HOGA1: variants seen among roughly 807,000 people sequenced by gnomAD.
The protein encoded by HOGA1 is 4-hydroxy-2-oxoglutarate aldolase 1.
A neutral mutation model predicts 34.3 loss-of-function variants in HOGA1; 30 were observed. The observed-to-expected ratio is 0.87, with a 90% confidence interval of 0.65 to 1.19. The LOEUF is 1.19. Among genes scored for constraint, HOGA1 ranks in the 50% most tolerant of loss-of-function variants. HOGA1 has a pLI of 0.00. For synonymous variants in HOGA1, 161 were observed against 174.0 expected, an observed-to-expected ratio of 0.93 and a Z score of 0.59; for missense variants, 417 against 436.5, an observed-to-expected ratio of 0.96 and a Z score of 0.40.
At chr10:97,600,317 G>A (rs564444742) in intron 5 of HOGA1, 154 bp downstream of exon 5, 35 of 703,460 alleles carry the variant, frequency 5.0e-5, no homozygotes, top group Middle Eastern at 3.7e-4. Flanking sequence ...TGGCCACGCC[G>A]CTTACCTGTC....
intron 2 of HOGA1, 70 bp downstream of exon 2, chr10:97,598,973 G>A (rs2041093928): frequency 1.2e-6 from 2 of 1,609,174 alleles, no homozygotes; most frequent in Non-Finnish European, 8.5e-7. Flanking sequence ...GCCCTAGCTT[G>A]GGTCCTGTCT....
chr10:97,590,492 T>C, intron 1 of HOGA1: 2 of 1,613,158 alleles, frequency 1.2e-6, no homozygotes, highest in Non-Finnish European at 1.7e-6. Context: ...CACACACACC[T>C]TCTATGGCCA....
chr10:97,594,323 G>A (rs1056178695), intron 1 of HOGA1, among the ~76,000 whole-genome samples: 6 of 151,376 alleles, frequency 4.0e-5, no homozygotes, highest in Non-Finnish European at 7.4e-5. Flanking sequence ...TTACAGGTGC[G>A]CGCCTCCATG....
At chr10:97,598,331 A>G (rs1395831399) in intron 1 of HOGA1, among the ~76,000 whole-genome samples, 1 of 152,250 alleles carries the variant, frequency 6.6e-6, no homozygotes, top group Non-Finnish European at 1.5e-5. Flanking sequence ...GAGAATGACA[A>G]ATAAATTGTG....
chr10:97,586,561 T>G (rs1428888999), intron 1 of HOGA1, among the ~76,000 whole-genome samples: 2 of 152,262 alleles, frequency 1.3e-5, no homozygotes, highest in Non-Finnish European at 2.9e-5. Context: ...GTCCTGGTTC[T>G]CTTGAAGTGA....
intron 1 of HOGA1, among the ~76,000 whole-genome samples, chr10:97,591,770 G>C (rs1453679463): frequency 2.0e-5 from 3 of 150,408 alleles, no homozygotes; most frequent in Non-Finnish European, 4.4e-5. Context: ...GACTGCAGGT[G>C]TGTGGAACCA....
intron 6 of HOGA1, chr10:97,602,455 C>T: frequency 2.0e-6 from 2 of 985,346 alleles, no homozygotes; most frequent in Non-Finnish European, 2.4e-6. Flanking sequence ...ATAATCGGTT[C>T]TGTGGTCAGA....
At chr10:97,586,451 C>G (rs535057211) in intron 1 of HOGA1, among the ~76,000 whole-genome samples, 12 of 152,344 alleles carry the variant, frequency 7.9e-5, no homozygotes, top group Non-Finnish European at 1.8e-4. Flanking sequence ...GTGCCCCTTC[C>G]TTGGGGACAA....
At chr10:97,589,853 A>C in intron 1 of HOGA1, 6 of 1,473,860 alleles carry the variant, frequency 4.1e-6, no homozygotes, top group Non-Finnish European at 5.6e-6. Context: ...GCCATCATGC[A>C]AGGTGGTGCT....
chr10:97,602,063 G>A, intron 6 of HOGA1, 73 bp downstream of exon 6: 1 of 1,559,908 alleles, frequency 6.4e-7, no homozygotes, highest in African/African-American at 1.4e-5. Context: ...GCAGGACCCA[G>A]GGCTGGCACC....
intron 1 of HOGA1, among the ~76,000 whole-genome samples, chr10:97,585,425 T>C (rs372379879): frequency 1.3e-5 from 2 of 152,210 alleles, no homozygotes; most frequent in South Asian, 2.1e-4. Context: ...TCTTTACACA[T>C]GGGTCTCCCC....
chr10:97,586,887 G>A (rs1427076652), intron 1 of HOGA1, among the ~76,000 whole-genome samples: 2 of 152,208 alleles, frequency 1.3e-5, no homozygotes, highest in Admixed American at 1.3e-4. Flanking sequence ...ACACCAGAGA[G>A]CCAGCGGGGT....
rs770478887 is a variant in HOGA1 at position 97,603,709 on chromosome 10, C to G, written c.834+1719C>G. Among the ~76,000 whole-genome samples the G allele has an allele frequency of 6.6e-6, 1 of 152,006 alleles. No individual in the cohort carries two copies. Among genetic ancestry groups the G allele is most frequent in the Non-Finnish European group, 1.5e-5 (1 of 68,002 alleles). On this transcript the variant is annotated intron_variant, in intron 6 of 6. Coordinates refer to ENST00000370646, the MANE Select transcript of HOGA1 (RefSeq NM_138413.4). The surrounding 1 kb of genome is among the most constrained non-coding windows in gnomAD (Gnocchi z 4.5). ...TCCCAAGTAGCTGGGATTACAGATG[C>G]CTGCCACCACACCCGGCTAATTTTT...
chr10:97,600,998 T>A (rs2041111207), intron 5 of HOGA1: 1 of 152,084 alleles, frequency 6.6e-6, no homozygotes, highest in African/African-American at 2.4e-5. Flanking sequence ...GAATCTCAGC[T>A]CTGCAGTTTA....
rs968208573 is a variant in HOGA1 at position 97,584,890 on chromosome 10, A to C, written c.187A>C (p.Lys63Gln). 20 of 1,614,128 alleles carry C rather than the reference A, an allele frequency of 1.2e-5. No homozygotes were observed. The highest frequency in any genetic ancestry group is 1.5e-5 in the Non-Finnish European group (18 of 1,180,014). Residue 63 changes from lysine (K) to glutamine (Q), a missense_variant, in exon 1 of 7, where the codon AAA becomes CAA. Coordinates refer to ENST00000370646, the MANE Select transcript of HOGA1 (RefSeq NM_138413.4). ...TGGGAAACTGGAGGAGAATCTGCAC[A>C]AACTGGGCACCTTCCCCTTCCGAGG... ...DYGKLEENLH[K>Q]LGTFPFRGFV...
At chr10:97,585,872 T>G (rs2040966798) in intron 1 of HOGA1, among the ~76,000 whole-genome samples, 1 of 151,874 alleles carries the variant, frequency 6.6e-6, no homozygotes, top group South Asian at 2.1e-4. Context: ...AGCTCTGGAG[T>G]GAGCGCCTGT....
At chr10:97,598,928 G>C (rs2041093433) in intron 2 of HOGA1, 25 bp downstream of exon 2, 1 of 1,612,960 alleles carries the variant, frequency 6.2e-7, no homozygotes, top group Non-Finnish European at 8.5e-7. Context: ...CCTGGGCCCT[G>C]GGGGTGGGTG....
chr10:97,601,864 G>T lies in HOGA1; in HGVS notation c.708G>T (p.Val236=), dbSNP rs61731946. ...GCGTCTTACTTCGTGCAGGAGCTGT[G>T]GGGGGCGTCTGCGCCCTGGCCAATG... ...FLMASYALGA[V]GGVCALANVL... is the part of the protein sequence containing the mutation. Residue 236 remains valine, a synonymous_variant, in exon 6 of 7, where the codon GTG becomes GTT. Coordinates refer to ENST00000370646, the MANE Select transcript of HOGA1 (RefSeq NM_138413.4). 1.3e-4 allele frequency: 209 copies of T among 1,612,256 alleles called. No individual in the cohort carries two copies. The African/African-American group carries it at 2.1e-3, about 16-fold the overall frequency.
chr10:97,596,742 A>G (rs556157645), intron 1 of HOGA1, among the ~76,000 whole-genome samples: 5 of 151,732 alleles, frequency 3.3e-5, no homozygotes, highest in Non-Finnish European at 7.4e-5. Flanking sequence ...TAAATATCCA[A>G]TGAGAGATAT....
Sources: gnomAD v4.1 joint callset for allele counts (sites outside exome capture counted in the v4.1 genomes callset) on GRCh38, gnomAD v4.1.1 for gene constraint, Gnocchi (gnomAD v3.1) non-coding constraint, MANE v1.5 for transcripts, NCBI Gene and HGNC (gene_info 2026-07-23, HGNC 2026-07-21) for gene names.